The following SNX29 variants were observed in gnomAD, a reference collection of about 807,000 sequenced individuals.
SNX29 encodes sorting nexin 29, also known as sorting nexin-29.
SNX29 carries 78 observed loss-of-function variants against 102.1 expected under a neutral mutation model. The observed-to-expected ratio is 0.76, with a 90% CI of 0.64 to 0.92. The LOEUF (loss-of-function observed/expected upper bound fraction) is 0.92, where lower values mean the gene tolerates loss of function less well. Ranked by LOEUF, SNX29 falls within the 40% of genes least tolerant of loss-of-function variation. The pLI is 0.00. For missense variants in SNX29, 1,280 were observed against 1,061.7 expected, an observed-to-expected ratio of 1.21 and a Z score of -2.86; for synonymous variants, 580 against 414.5, an observed-to-expected ratio of 1.40 and a Z score of -4.85.
chr16:12,092,616 T>G (rs1436402864), intron 11 of SNX29, among the ~76,000 whole-genome samples: 1 of 152,246 alleles, frequency 6.6e-6, no homozygotes, highest in Non-Finnish European at 1.5e-5. Context: ...AGTAGGTCGC[T>G]TGACCTCTCT....
chr16:12,557,361 T>G (rs915192095), intron 20 of SNX29: 3 of 152,158 alleles, frequency 2.0e-5, no homozygotes, highest in African/African-American at 7.2e-5. Context: ...GTGGAGATGC[T>G]GAATGGTTGA....
chr16:12,562,175 G>C (rs1475130254), intron 20 of SNX29, among the ~76,000 whole-genome samples: 1 of 152,180 alleles, frequency 6.6e-6, no homozygotes, highest in East Asian at 1.9e-4. Context: ...ATTGAGGTCT[G>C]ACCTGAGCAT....
intron 5 of SNX29, among the ~76,000 whole-genome samples, chr16:12,044,124 G>C (rs3891808): frequency 6.6e-6 from 1 of 152,166 alleles, no homozygotes; most frequent in African/African-American, 2.4e-5. Context: ...GATACGGAGC[G>C]ACACTGACGA....
rs1371869464 is a variant in SNX29 at position 12,569,177 on chromosome 16, T to TCATTAGA, written c.*551_*557dup. On this transcript the variant is annotated 3_prime_UTR_variant, in exon 21 of 21. Coordinates refer to ENST00000566228, the MANE Select transcript of SNX29 (RefSeq NM_032167.5). ...CTTTCACTGCATTTTCCACCAACAG[T>TCATTAGA]CATTAGACACCTGGCACTGTCACAG... 9.8e-6 allele frequency: 2 copies of TCATTAGA among 203,452 alleles called. No individual in the cohort carries two copies. The highest frequency in any genetic ancestry group is 1.6e-4 in the East Asian group (2 of 12,786). 12.6% of individuals were successfully genotyped at this position (203,452 alleles called of 1,614,324 possible).
In SNX29 at chr16:12,398,429, C is replaced by T. The variant is rs747454324; in HGVS notation, c.1900-17C>T. ...TTATGCATTTTTTCTCCCCTCTCCC[C>T]CTTCTCCTGATGGTAGGTGCCTGGA... On this transcript the variant is annotated splice_polypyrimidine_tract_variant and intron_variant, in intron 16 of 20. Transcript: ENST00000566228. 2 of 1,613,896 alleles carry T rather than the reference C, an allele frequency of 1.2e-6. No individual in the cohort carries two copies. Among genetic ancestry groups the T allele is most frequent in the East Asian group, 4.5e-5 (2 of 44,884 alleles).
At chr16:12,474,343 A>G (rs749952351) in intron 18 of SNX29, among the ~76,000 whole-genome samples, 2 of 152,208 alleles carry the variant, frequency 1.3e-5, no homozygotes, top group African/African-American at 2.4e-5. Context: ...TTAGGTACCT[A>G]GGGAATATCA....
At chr16:12,182,253 G>A (rs1030650641) in intron 13 of SNX29, among the ~76,000 whole-genome samples, 2 of 142,010 alleles carry the variant, frequency 1.4e-5, no homozygotes, top group Admixed American at 7.3e-5. Context: ...TGCTGTCACT[G>A]TCGTCTTTCC....
chr16:12,044,816 C>T (rs954499675), intron 5 of SNX29, among the ~76,000 whole-genome samples: 5 of 152,072 alleles, frequency 3.3e-5, no homozygotes, highest in Non-Finnish European at 7.4e-5. Flanking sequence ...CTCCTGACCT[C>T]GTGATCCTCC....
intron 20 of SNX29, among the ~76,000 whole-genome samples, chr16:12,544,077 G>A (rs1019860324): frequency 1.3e-5 from 2 of 152,188 alleles, no homozygotes; most frequent in African/African-American, 4.8e-5. Context: ...TAGGGGTAGA[G>A]GTCTTTCTGC....
intron 20 of SNX29, among the ~76,000 whole-genome samples, chr16:12,564,358 G>C (rs1223316429): frequency 6.6e-6 from 1 of 152,094 alleles, no homozygotes; most frequent in Non-Finnish European, 1.5e-5. Flanking sequence ...TGTCAAAGGA[G>C]CCAAATCTAT....
intron 4 of SNX29, among the ~76,000 whole-genome samples, chr16:12,034,388 G>A (rs1015684290): frequency 1.3e-5 from 2 of 152,180 alleles, no homozygotes; most frequent in Admixed American, 1.3e-4. Context: ...GGAAGCCTTG[G>A]AAGGATGTCT....
rs1386829588 is a variant in SNX29, at chr16:12,572,001, A to G, written c.*3372A>G. On this transcript the variant is annotated 3_prime_UTR_variant, in exon 21 of 21. Coordinates refer to ENST00000566228, the MANE Select transcript of SNX29 (RefSeq NM_032167.5). The stretch of plus-strand genomic sequence containing the variant: ...ATCTTCACATCCAGTCACCAGTTGC[A>G]TCTAGGGAGCTGCTGGCTATAAAAG... 7.5e-6 allele frequency: 8 copies of G among 1,062,166 alleles called. No homozygotes were observed. Among genetic ancestry groups the G allele is most frequent in the East Asian group, 5.1e-5 (1 of 19,718 alleles). The allele number at this position is 1,062,166 out of a possible 1,614,324, so 65.8% of individuals were successfully genotyped here.
chr16:12,394,800 C>G (rs1481823239), intron 16 of SNX29, among the ~76,000 whole-genome samples: 1 of 152,192 alleles, frequency 6.6e-6, no homozygotes, highest in Non-Finnish European at 1.5e-5. Flanking sequence ...TCTTTACTTC[C>G]TCTGTGTTTA....
intron 1 of SNX29, among the ~76,000 whole-genome samples, chr16:11,985,712 A>C (rs1163860800): frequency 6.6e-6 from 1 of 152,052 alleles, no homozygotes; most frequent in African/African-American, 2.4e-5. Flanking sequence ...ACTTCAGGGG[A>C]AGGGCTGCTG....
At chr16:12,405,406 C>T (rs998749189) in intron 18 of SNX29, among the ~76,000 whole-genome samples, 4 of 152,280 alleles carry the variant, frequency 2.6e-5, no homozygotes, top group East Asian at 3.9e-4. Context: ...CCGTCCTTTA[C>T]GGTGTGAAGC....
At chr16:12,063,579 A>G (rs1160674685) in intron 9 of SNX29, among the ~76,000 whole-genome samples, 5 of 151,794 alleles carry the variant, frequency 3.3e-5, no homozygotes, top group Non-Finnish European at 7.4e-5. Flanking sequence ...GCGTTTCGCC[A>G]TGTTGGCCAG....
At chr16:12,531,796 C>G (rs1247186506) in intron 20 of SNX29, among the ~76,000 whole-genome samples, 1 of 152,188 alleles carries the variant, frequency 6.6e-6, no homozygotes, top group African/African-American at 2.4e-5. Flanking sequence ...AGGCCCAGAG[C>G]CAGGCGAGGG....
chr16:12,560,053 C>G (rs536291029), intron 20 of SNX29, among the ~76,000 whole-genome samples: 70 of 152,112 alleles, frequency 4.6e-4, no homozygotes, highest in African/African-American at 1.5e-3. Context: ...AGAAAAATGA[C>G]TAGAAAACTA....
At chr16:12,436,239 C>G (rs1057001874) in intron 18 of SNX29, among the ~76,000 whole-genome samples, 3 of 152,174 alleles carry the variant, frequency 2.0e-5, no homozygotes, top group Non-Finnish European at 2.9e-5. Flanking sequence ...CGCCTCCTCC[C>G]TGGGCCCAGG....
Sources: allele counts gnomAD v4.1 joint callset (sites outside exome capture counted in the v4.1 genomes callset), GRCh38; gene constraint gnomAD v4.1.1; transcripts MANE v1.5; gene names NCBI Gene and HGNC (gene_info 2026-07-23, HGNC 2026-07-21).